Variants in NCALD observed in about 807,000 individuals in gnomAD.
NCALD encodes neurocalcin delta.
A neutral mutation model predicts 18.6 loss-of-function variants in NCALD; 10 were observed. That is an observed-to-expected ratio of 0.54 (90% CI 0.33 to 0.91). The LOEUF (loss-of-function observed/expected upper bound fraction) is 0.91. Among genes scored for constraint, NCALD ranks in the 40% least tolerant of loss-of-function variants. The pLI is 0.03. For synonymous variants in NCALD, 88 were observed against 87.4 expected (o/e 1.01, Z -0.04); for missense variants, 184 against 247.6 (o/e 0.74, Z 1.72).
intron 2 of NCALD, among the ~76,000 whole-genome samples, chr8:102,017,694 C>CA (rs1312199640): frequency 1.3e-4 from 20 of 152,200 alleles, no homozygotes; most frequent in Admixed American, 2.0e-4. Context: ...GACTCCGTCT[C>CA]AAAAAACAAA....
intron 1 of NCALD, among the ~76,000 whole-genome samples, chr8:102,070,767 G>T (rs1175970813): frequency 1.3e-5 from 2 of 152,104 alleles, no homozygotes; most frequent in African/African-American, 4.8e-5. Flanking sequence ...AGTTATCTTA[G>T]CTCATGGGCA....
At chr8:101,794,161 T>G (rs2131036942), upstream of NCALD, among the ~76,000 whole-genome samples, 1 of 152,308 alleles carries the variant, frequency 6.6e-6, no homozygotes, top group South Asian at 2.1e-4. Context: ...TGCCACAGGG[T>G]AGATGGCTCA....
At chr8:102,046,169 T>C (rs1823231668) in intron 1 of NCALD, among the ~76,000 whole-genome samples, 1 of 152,216 alleles carries the variant, frequency 6.6e-6, no homozygotes, top group African/African-American at 2.4e-5. Flanking sequence ...AAACTCCGCT[T>C]CACCAGTTGA....
intron 2 of NCALD, among the ~76,000 whole-genome samples, chr8:101,982,667 C>T (rs1344291837): frequency 6.6e-6 from 1 of 151,962 alleles, no homozygotes; most frequent in East Asian, 1.9e-4. Flanking sequence ...GGTGAAACTC[C>T]GTCTCCACCA....
At chr8:101,890,303 T>C (rs1168712259) in intron 3 of NCALD, among the ~76,000 whole-genome samples, 1 of 152,186 alleles carries the variant, frequency 6.6e-6, no homozygotes, top group Admixed American at 6.5e-5. Flanking sequence ...CAAATTAAAC[T>C]GATAGTGGGG....
rs545191092 is a variant in NCALD at position 101,756,612 on chromosome 8, G to C, written c.-20+34250C>G. On this transcript the variant is annotated intron_variant, in intron 1 of 3. Transcript: ENST00000220931. ...CAATTAAGAGGAGGAAAAAGAACAA[G>C]ACAGAGATACTGGTTTGCCTGCTAA... is the stretch of plus-strand genomic sequence containing the variant. Among the ~76,000 whole-genome samples, 3 of 152,318 alleles carry C rather than the reference G, an allele frequency of 2.0e-5. No individual in the cohort carries two copies. In the East Asian group the frequency reaches 5.8e-4, roughly 29 times the overall value.
chr8:101,719,769 C>G, intron 1 of NCALD, 121 bp from the exon 2 acceptor site: 1 of 888,036 alleles, frequency 1.1e-6, no homozygotes, highest in Non-Finnish European at 1.6e-6. Context: ...TATACGAGTC[C>G]AGTAACACTG....
intron 1 of NCALD, among the ~76,000 whole-genome samples, chr8:102,033,848 A>T (rs1484579575): frequency 6.6e-6 from 1 of 152,154 alleles, no homozygotes; most frequent in African/African-American, 2.4e-5. Context: ...AGGAGTAAAG[A>T]TTTGCATCAG....
Position 102,005,429 on chromosome 8 carries a change from G to A in NCALD, c.-157+14808C>T, listed in dbSNP as rs560378269. 2.6e-5 allele frequency among the ~76,000 whole-genome samples: 4 copies of A among 152,274 alleles called. No individual in the cohort carries two copies. In the East Asian group the frequency reaches 7.7e-4, roughly 29 times the overall value. On this transcript the variant is annotated intron_variant, in intron 2 of 6. Coordinates refer to the NCALD transcript ENST00000311028. ...TAGGAAGACTTTTACACTGTTGGTGGGACTGTAAACTAGTTCAACCATTGT... is the reference window on the plus strand; with the variant it reads ...TAGGAAGACTTTTACACTGTTGGTGAGACTGTAAACTAGTTCAACCATTGT...
At chr8:101,871,932 C>T (rs1324535665) in intron 4 of NCALD, 7 of 718,230 alleles carry the variant, frequency 9.7e-6, no homozygotes, top group Non-Finnish European at 1.3e-5. Context: ...CCTCCAAGTC[C>T]GTCTTAACTG....
At chr8:101,910,586 A>G (rs1817760740) in intron 3 of NCALD, among the ~76,000 whole-genome samples, 1 of 152,218 alleles carries the variant, frequency 6.6e-6, no homozygotes, top group Non-Finnish European at 1.5e-5. Context: ...GATGATCTAG[A>G]AACAAAATGG....
intron 2 of NCALD, among the ~76,000 whole-genome samples, chr8:101,929,731 T>C (rs1818503652): frequency 6.6e-6 from 1 of 151,572 alleles, no homozygotes; most frequent in Non-Finnish European, 1.5e-5. Context: ...TCCAGGTTTG[T>C]GGGGTCTGAG....
chr8:101,706,921 C>T (rs998969833), intron 2 of NCALD, among the ~76,000 whole-genome samples: 3 of 152,158 alleles, frequency 2.0e-5, no homozygotes, highest in Admixed American at 6.5e-5. Flanking sequence ...CCAAAACATC[C>T]AATAAGCAAG....
intron 2 of NCALD, among the ~76,000 whole-genome samples, chr8:101,707,250 G>A (rs2130252308): frequency 6.6e-6 from 1 of 152,264 alleles, no homozygotes; most frequent in South Asian, 2.1e-4. Flanking sequence ...CTCAGAATGT[G>A]CTTCTAAAAA....
chr8:101,975,280 C>T (rs1303820735), intron 2 of NCALD: 1 of 152,132 alleles, frequency 6.6e-6, no homozygotes, highest in African/African-American at 2.4e-5. Context: ...CTTCGTGTTC[C>T]AGAAGTTTGC....
At chr8:101,789,200 T>C (rs960385730) in intron 1 of NCALD, among the ~76,000 whole-genome samples, 6 of 152,208 alleles carry the variant, frequency 3.9e-5, no homozygotes, top group Non-Finnish European at 5.9e-5. Context: ...TGCTGTTAAA[T>C]GACGGTGCTA....
intron 1 of NCALD, among the ~76,000 whole-genome samples, chr8:102,035,198 G>A (rs1484425769): frequency 6.6e-6 from 1 of 151,780 alleles, no homozygotes; most frequent in Admixed American, 6.6e-5. Flanking sequence ...TGATCACCTG[G>A]TCTCTGCTGG....
At chr8:101,737,950 T>C (rs1029092665) in intron 1 of NCALD, among the ~76,000 whole-genome samples, 2 of 152,232 alleles carry the variant, frequency 1.3e-5, no homozygotes, top group African/African-American at 4.8e-5. Flanking sequence ...AGCTGAACTA[T>C]TCAAAAATAT....
chr8:101,999,434 T>C (rs895448444), intron 2 of NCALD, among the ~76,000 whole-genome samples: 5 of 152,052 alleles, frequency 3.3e-5, no homozygotes, highest in Non-Finnish European at 7.4e-5. Flanking sequence ...AAACCAAACA[T>C]CATATGTTCT....
Sources: allele counts gnomAD v4.1 joint callset (sites outside exome capture counted in the v4.1 genomes callset), GRCh38; gene constraint gnomAD v4.1.1; transcripts MANE v1.5; gene names NCBI Gene and HGNC (gene_info 2026-07-23, HGNC 2026-07-21).